RAD18: variants seen among roughly 807,000 people sequenced by gnomAD.
RAD18 encodes the protein RAD18 E3 ubiquitin protein ligase.
RAD18 carries 47 observed loss-of-function variants against 60.4 expected under a neutral mutation model. That is an observed-to-expected ratio of 0.78 (90% CI 0.62 to 0.99). The LOEUF (loss-of-function observed/expected upper bound fraction) is 0.99, where lower values mean the gene tolerates loss of function less well. Among genes scored for constraint, RAD18 ranks in the 50% least tolerant of loss-of-function variants. The pLI, the probability that RAD18 is intolerant of heterozygous loss-of-function variation, is 0.00. For missense variants in RAD18, 640 were observed against 593.3 expected (o/e 1.08, Z -0.82); for synonymous variants, 225 against 195.5 (o/e 1.15, Z -1.26).
chr3:8,882,831 T>C (rs1012912609), intron 12 of RAD18, among the ~76,000 whole-genome samples: 41 of 152,310 alleles, frequency 2.7e-4, no homozygotes, highest in African/African-American at 9.9e-4. Flanking sequence ...CAACTCTGAA[T>C]TACCCAGCTC....
intron 10 of RAD18, among the ~76,000 whole-genome samples, chr3:8,900,770 C>G (rs1348845235): frequency 6.6e-6 from 1 of 152,174 alleles, no homozygotes; most frequent in African/African-American, 2.4e-5. Flanking sequence ...TTCAGTCAGT[C>G]TGTGTCTGTC....
At chr3:8,921,035 T>A (rs942915286) in intron 7 of RAD18, among the ~76,000 whole-genome samples, 16 of 152,286 alleles carry the variant, frequency 1.1e-4, no homozygotes, top group African/African-American at 3.6e-4. Flanking sequence ...TACAAGGACA[T>A]ATTTAGGGGT....
chr3:8,922,651 C>G (rs1160934113), intron 7 of RAD18, among the ~76,000 whole-genome samples: 1 of 152,194 alleles, frequency 6.6e-6, no homozygotes, highest in African/African-American at 2.4e-5. Flanking sequence ...AGTAGCCTAA[C>G]TGGGAGGCAC....
intron 3 of RAD18, among the ~76,000 whole-genome samples, 154 bp downstream of exon 3, chr3:8,948,355 C>T (rs34239220): frequency 0.023 from 3,475 of 152,322 alleles, 56 homozygotes; most frequent in Non-Finnish European, 0.032. Context: ...GCTCTTCTTA[C>T]ATGTACTTTA....
intron 7 of RAD18, among the ~76,000 whole-genome samples, chr3:8,927,380 G>T (rs1457368063): frequency 6.6e-6 from 1 of 152,198 alleles, no homozygotes; most frequent in Non-Finnish European, 1.5e-5. Context: ...ACACCAGTTA[G>T]AATGGCAGTC....
chr3:8,899,025 T>C lies in RAD18; in HGVS notation c.1191A>G (p.Ser397=), dbSNP rs781233517. The change falls in exon 11 of 13, where the codon TCA becomes TCG. Residue 397 remains serine (S), a synonymous_variant. Coordinates refer to ENST00000264926, the MANE Select transcript of RAD18 (RefSeq NM_020165.4). ...VCMGQEDNMT[S]VTNHFSQSKL... ...TTGATTGAGAAAAGTGGTTTGTTAC[T>C]GAGGTCATATTATCTTCCTGTCCTA... 6.2e-6 allele frequency: 10 copies of C among 1,604,348 alleles called. No individual in the cohort carries two copies. Among genetic ancestry groups the C allele is most frequent in the Non-Finnish European group, 8.5e-6 (10 of 1,175,264 alleles).
chr3:8,962,966 C>T (rs1343648304), intron 1 of RAD18, among the ~76,000 whole-genome samples: 1 of 152,166 alleles, frequency 6.6e-6, no homozygotes, highest in African/African-American at 2.4e-5. Flanking sequence ...AAAGTGTCCA[C>T]CCAAAATCAT....
chr3:8,922,568 G>T (rs904346144), intron 7 of RAD18, among the ~76,000 whole-genome samples: 1 of 152,238 alleles, frequency 6.6e-6, no homozygotes, highest in Non-Finnish European at 1.5e-5. Context: ...GAAGACAGCA[G>T]TGGTTCTTCC....
intron 7 of RAD18, among the ~76,000 whole-genome samples, chr3:8,918,293 G>A (rs1211259335): frequency 7.4e-6 from 1 of 135,658 alleles, no homozygotes; most frequent in Non-Finnish European, 1.5e-5. Flanking sequence ...ACTCCAGCCT[G>A]GGCAACTAGA....
At position 8,958,935 on chromosome 3, in the gene RAD18, G is replaced by T. The variant is rs139885992; in HGVS notation, c.118C>A (p.Gln40Lys). 8.7e-6 allele frequency: 14 copies of T among 1,612,892 alleles called. No individual in the cohort carries two copies. The East Asian group carries it at 2.9e-4, about 33-fold the overall frequency. Reference sequence around the variant, plus strand: ...ACATACTTACAGTTATGTGAACACTGAGGTATTATCATTGCAATGTTGAAA... The same window carrying T: ...ACATACTTACAGTTATGTGAACACTTAGGTATTATCATTGCAATGTTGAAA... The part of the protein sequence containing the change: ...EYFNIAMIIP[Q>K]CSHNYCSLCI... Residue 40 changes from glutamine to lysine, a missense_variant, in exon 2 of 13, where the codon CAG becomes AAG. Gln to Lys is a moderately conservative substitution (Grantham distance 53, BLOSUM62 1). Transcript: ENST00000264926.
rs1209218565 is a variant in RAD18, at chr3:8,963,396, G to C, written c.-11C>G. ...GGCCAGGGAGTCCATGGTCGCTCCC[G>C]AGGATGCTGGGGGTCAGCCACCCAC... is the stretch of plus-strand genomic sequence containing the variant. On this transcript the variant is annotated 5_prime_UTR_variant, in exon 1 of 13. Transcript: ENST00000264926. The C allele has an allele frequency of 1.3e-6, 2 of 1,579,968 alleles. No individual in the cohort carries two copies. Among genetic ancestry groups the C allele is most frequent in the Non-Finnish European group, 1.7e-6 (2 of 1,161,892 alleles).
At chr3:8,962,408 A>T (rs1255021039) in intron 1 of RAD18, among the ~76,000 whole-genome samples, 1 of 152,220 alleles carries the variant, frequency 6.6e-6, no homozygotes, top group African/African-American at 2.4e-5. Context: ...CAAGCACTCT[A>T]GACGTCACTG....
At chr3:8,923,451 A>G (rs1940367332) in intron 7 of RAD18, among the ~76,000 whole-genome samples, 2 of 152,154 alleles carry the variant, frequency 1.3e-5, no homozygotes, top group Admixed American at 1.3e-4. Flanking sequence ...GTGTACCTGA[A>G]AGTGACGGGG....
chr3:8,953,047 TCG>T (rs1334483304), intron 2 of RAD18, among the ~76,000 whole-genome samples: 1 of 152,008 alleles, frequency 6.6e-6, no homozygotes, highest in Non-Finnish European at 1.5e-5. Flanking sequence ...TTTCACACCA[TCG>T]TAAAGTTGAA....
Position 8,890,543 on chromosome 3 carries a change from T to C in RAD18, c.1323-92A>G, listed in dbSNP as rs574048834. ...TTCTAGAAAAAAACAAATGAGTCTA[T>C]AGTGACAGAAAGCAAACCAGTGGTT... On this transcript the variant is annotated intron_variant, in intron 11 of 12. Coordinates refer to ENST00000264926, the MANE Select transcript of RAD18 (RefSeq NM_020165.4). 60 of 983,882 alleles carry C rather than the reference T, an allele frequency of 6.1e-5. No individual in the cohort carries two copies. In the East Asian group the frequency reaches 1.5e-3, roughly 24 times the overall value. 60.9% of individuals were successfully genotyped at this position (983,882 alleles called of 1,614,324 possible).
In RAD18 at chr3:8,902,411, T is replaced by C. The variant is rs997495515; in HGVS notation, c.1137A>G (p.Glu379=). The change falls in exon 10 of 13, where the codon GAA becomes GAG. Residue 379 remains glutamate (E), a synonymous_variant. Coordinates refer to ENST00000264926, the MANE Select transcript of RAD18 (RefSeq NM_020165.4). ...ATACAGAAGATAGCTTTTCTGTAGA[T>C]TCATCTTCTTTTGTTATTGTTACTG... The part of the protein sequence containing the change: ...QKTVTITKED[E]STEKLSSVCM... 2 of 1,608,822 alleles carry C rather than the reference T, an allele frequency of 1.2e-6. No homozygotes were observed. Among genetic ancestry groups the C allele is most frequent in the South Asian group, 1.1e-5 (1 of 90,494 alleles).
intron 12 of RAD18, among the ~76,000 whole-genome samples, chr3:8,883,099 T>C (rs1413243744): frequency 6.6e-6 from 1 of 151,934 alleles, no homozygotes; most frequent in Non-Finnish European, 1.5e-5. Context: ...GAAAAAGGAG[T>C]ATGTGAGGGG....
intron 7 of RAD18, among the ~76,000 whole-genome samples, chr3:8,927,678 A>G (rs1329849565): frequency 1.3e-5 from 2 of 152,364 alleles, no homozygotes; most frequent in South Asian, 2.1e-4. Flanking sequence ...CAACAATGAT[A>G]GACTGGGTTA....
At chr3:8,960,327 A>G (rs1941077076) in intron 1 of RAD18, among the ~76,000 whole-genome samples, 1 of 152,188 alleles carries the variant, frequency 6.6e-6, no homozygotes, top group African/African-American at 2.4e-5. Context: ...GGAAAAAAGA[A>G]TGCATTCTAT....
Sources: gnomAD v4.1 joint callset for allele counts (sites outside exome capture counted in the v4.1 genomes callset) on GRCh38, gnomAD v4.1.1 for gene constraint, MANE v1.5 for transcripts, NCBI Gene and HGNC (gene_info 2026-07-23, HGNC 2026-07-21) for gene names.